The following MCTP1 variants were observed in gnomAD, a reference collection of about 807,000 sequenced individuals.
MCTP1 encodes the protein multiple C2 and transmembrane domain containing 1.
MCTP1 carries 69 observed loss-of-function variants against 120.6 expected under a neutral mutation model. The ratio of observed to expected loss-of-function variants is 0.57; its 90% confidence interval spans 0.47 to 0.70. MCTP1 has a LOEUF of 0.70. Ranked by LOEUF, MCTP1 falls within the 30% of genes least tolerant of loss-of-function variation. MCTP1 has a pLI of 0.00. For synonymous variants in MCTP1, 529 were observed against 493.1 expected (o/e 1.07, Z -0.96); for missense variants, 1,203 against 1,248.8 (o/e 0.96, Z 0.55).
chr5:95,069,701 T>TC (rs1751631554), intron 1 of MCTP1, among the ~76,000 whole-genome samples: 1 of 7,132 alleles, frequency 1.4e-4, no homozygotes, highest in Non-Finnish European at 7.6e-3. Flanking sequence ...CCTTCTGCCC[T>TC]TTTTTTTTTT....
chr5:95,278,729 G>C lies in MCTP1; in HGVS notation c.720+5127C>G, dbSNP rs112311138. On this transcript the variant is annotated intron_variant, in intron 1 of 22. Transcript: ENST00000515393. ...TGTAATCCCAACACCTTGGGAGGCCGAGGTGAGCGGATCACCTGAGGTCGG... is the reference window on the plus strand; with the variant it reads ...TGTAATCCCAACACCTTGGGAGGCCCAGGTGAGCGGATCACCTGAGGTCGG... 5.7e-3 allele frequency among the ~76,000 whole-genome samples: 863 copies of C among 152,214 alleles called. 8 individuals are homozygous for C. The highest frequency in any genetic ancestry group is 0.029 in the South Asian group (138 of 4,824).
intron 22 of MCTP1, 175 bp downstream of exon 22, chr5:94,708,337 T>G: frequency 2.1e-6 from 1 of 481,386 alleles, no homozygotes; most frequent in Non-Finnish European, 3.7e-6. Flanking sequence ...TGTAAGTGCT[T>G]CTTGGATAAC....
intron 19 of MCTP1, among the ~76,000 whole-genome samples, chr5:94,777,388 C>T (rs766358574): frequency 7.2e-5 from 11 of 152,142 alleles, no homozygotes; most frequent in Non-Finnish European, 1.3e-4. Context: ...TTTCTCATAT[C>T]TAACATCCTC....
intron 19 of MCTP1, among the ~76,000 whole-genome samples, chr5:94,760,736 G>C (rs1771133794): frequency 6.6e-6 from 1 of 151,304 alleles, no homozygotes; most frequent in Non-Finnish European, 1.5e-5. Context: ...CCCAGGCTGA[G>C]TGCAGTGGCA....
chr5:94,895,034 G>A (rs1803614656), intron 10 of MCTP1, among the ~76,000 whole-genome samples, 199 bp from the exon 11 acceptor site: 1 of 151,982 alleles, frequency 6.6e-6, no homozygotes, highest in African/African-American at 2.4e-5. Flanking sequence ...TTTATTTCCT[G>A]TAAGATACAA....
chr5:94,723,175 T>C (rs1761307647), intron 19 of MCTP1, among the ~76,000 whole-genome samples: 1 of 152,322 alleles, frequency 6.6e-6, no homozygotes, highest in Non-Finnish European at 1.5e-5. Context: ...TACTCAGTTC[T>C]TACTGTATCA....
chr5:94,936,506 G>A (rs917556677), intron 5 of MCTP1, among the ~76,000 whole-genome samples: 5 of 152,016 alleles, frequency 3.3e-5, no homozygotes, highest in African/African-American at 1.2e-4. Context: ...TTTCTCACCA[G>A]GAGTTTCAAT....
chr5:95,141,848 G>A (rs1183390063), intron 1 of MCTP1, among the ~76,000 whole-genome samples: 1 of 152,058 alleles, frequency 6.6e-6, no homozygotes, highest in Non-Finnish European at 1.5e-5. Flanking sequence ...AGGCAAATAG[G>A]CAATAAACTT....
chr5:95,132,143 C>T (rs186537904), intron 1 of MCTP1, among the ~76,000 whole-genome samples: 3 of 152,104 alleles, frequency 2.0e-5, no homozygotes, highest in Non-Finnish European at 4.4e-5. Context: ...ATGACAATTC[C>T]GTAGAGAATT....
chr5:94,921,657 T>G (rs1363618484), intron 7 of MCTP1, among the ~76,000 whole-genome samples: 1 of 152,180 alleles, frequency 6.6e-6, no homozygotes, highest in East Asian at 1.9e-4. Flanking sequence ...GTCAGTTAGT[T>G]ACCAGAGTGA....
At chr5:94,805,002 G>A (rs563163994) in intron 17 of MCTP1, among the ~76,000 whole-genome samples, 27 of 152,040 alleles carry the variant, frequency 1.8e-4, no homozygotes, top group Non-Finnish European at 3.2e-4. Flanking sequence ...GTAAATGGCC[G>A]AAACATTAAA....
intron 1 of MCTP1, among the ~76,000 whole-genome samples, chr5:95,079,179 T>C (rs1420184463): frequency 6.6e-6 from 1 of 152,136 alleles, no homozygotes; most frequent in Non-Finnish European, 1.5e-5. Context: ...GGATAAGCAT[T>C]ACAAATCTCA....
At chr5:94,828,402 G>A (rs1307894121) in intron 17 of MCTP1, among the ~76,000 whole-genome samples, 4 of 152,320 alleles carry the variant, frequency 2.6e-5, no homozygotes, top group Non-Finnish European at 4.4e-5. Flanking sequence ...TGTGATGGGA[G>A]GTGTCTCCCA....
intron 1 of MCTP1, among the ~76,000 whole-genome samples, chr5:95,201,291 T>C (rs1190120524): frequency 6.6e-6 from 1 of 152,132 alleles, no homozygotes; most frequent in Admixed American, 6.5e-5. Flanking sequence ...CAACACTGAC[T>C]GAATCAGAAT....
intron 1 of MCTP1, among the ~76,000 whole-genome samples, chr5:95,031,701 C>T (rs768326641): frequency 8.6e-5 from 13 of 152,018 alleles, no homozygotes; most frequent in Non-Finnish European, 1.9e-4. Context: ...GTACAAGGCT[C>T]GGCTAACAAT....
At position 95,030,597 on chromosome 5, in the gene MCTP1, T is replaced by A. The variant is rs549351950; in HGVS notation, c.721-13113A>T. ...CCAGAGCCTTAGCCCTCTGCAAGTA[T>A]CCAGAAAATAAGTCAACTGATTATA... On this transcript the variant is annotated intron_variant, in intron 1 of 22. Transcript: ENST00000515393. 3.9e-5 allele frequency among the ~76,000 whole-genome samples: 6 copies of A among 152,200 alleles called. No individual in the cohort carries two copies. The South Asian group carries it at 1.2e-3, about 32-fold the overall frequency.
At chr5:95,037,670 G>A (rs912634105) in intron 1 of MCTP1, among the ~76,000 whole-genome samples, 3 of 151,924 alleles carry the variant, frequency 2.0e-5, no homozygotes, top group African/African-American at 7.3e-5. Context: ...GTTTGAGATC[G>A]GCCTGGCAAA....
Position 95,284,663 on chromosome 5 carries a change from C to A in MCTP1, c.-88G>T, listed in dbSNP as rs938223081. 88 of 1,160,348 alleles carry A rather than the reference C, an allele frequency of 7.6e-5. No homozygotes were observed. The highest frequency in any genetic ancestry group is 9.7e-5 in the Non-Finnish European group (86 of 882,782). The allele number at this position is 1,160,348 out of a possible 1,614,324, so 71.9% of individuals were successfully genotyped here. The stretch of plus-strand genomic sequence containing the variant: ...CTTCGGCTGCACCTCCTCCCGGGTC[C>A]CCGCGGCGCTGGCGGTGGCGGCGGC... On this transcript the variant is annotated 5_prime_UTR_variant, in exon 1 of 23. Coordinates refer to ENST00000515393, the MANE Select transcript of MCTP1 (RefSeq NM_024717.7). The surrounding 1 kb of genome is among the most constrained non-coding windows in gnomAD (Gnocchi z 5.2).
At chr5:95,200,434 A>G (rs531066170) in intron 1 of MCTP1, among the ~76,000 whole-genome samples, 20 of 152,364 alleles carry the variant, frequency 1.3e-4, no homozygotes, top group African/African-American at 4.8e-4. Context: ...TACCCAAGAC[A>G]TGAAATCAAG....
Sources: allele counts gnomAD v4.1 joint callset (sites outside exome capture counted in the v4.1 genomes callset), GRCh38; gene constraint gnomAD v4.1.1; non-coding constraint Gnocchi (gnomAD v3.1); transcripts MANE v1.5; gene names NCBI Gene and HGNC (gene_info 2026-07-23, HGNC 2026-07-21).